The following PCDHGA2 variants were observed in gnomAD, a reference collection of about 807,000 sequenced individuals.
PCDHGA2 encodes the protein protocadherin gamma-A2.
In PCDHGA2, 40 loss-of-function variants were observed where a neutral mutation model predicts 59.2. The observed-to-expected ratio is 0.68, with a 90% CI of 0.52 to 0.88. The LOEUF (loss-of-function observed/expected upper bound fraction) is 0.88, where lower values mean the gene tolerates loss of function less well. Ranked by LOEUF, PCDHGA2 falls within the 40% of genes least tolerant of loss-of-function variation. The pLI is 0.00. For synonymous variants in PCDHGA2, 560 were observed against 526.0 expected, an observed-to-expected ratio of 1.06 and a Z score of -0.89; for missense variants, 1,226 against 1,204.0, an observed-to-expected ratio of 1.02 and a Z score of -0.27.
At chr5:141,401,835 T>C (rs983491795) in intron 1 of PCDHGA2, among the ~76,000 whole-genome samples, 2 of 152,326 alleles carry the variant, frequency 1.3e-5, no homozygotes, top group South Asian at 4.1e-4. Context: ...AGATTTCTTA[T>C]AATACCACTT....
At chr5:141,350,724 A>AAG in intron 1 of PCDHGA2, 2 of 1,613,990 alleles carry the variant, frequency 1.2e-6, no homozygotes, top group South Asian at 2.2e-5. Context: ...GATTCTGCTC[A>AAG]AGATGCAGAT....
chr5:141,500,148 G>T (rs936567158), intron 2 of PCDHGA2, among the ~76,000 whole-genome samples: 6 of 150,990 alleles, frequency 4.0e-5, no homozygotes, highest in African/African-American at 1.5e-4. Flanking sequence ...ACTTTTCTTT[G>T]TGTAATCAAA....
chr5:141,380,503 A>G (rs1353992586), intron 1 of PCDHGA2, among the ~76,000 whole-genome samples: 1 of 152,196 alleles, frequency 6.6e-6, no homozygotes, highest in African/African-American at 2.4e-5. Context: ...ACAATAATAT[A>G]CACTCTTTAA....
intron 1 of PCDHGA2, chr5:141,361,614 G>A (rs919763957): frequency 2.4e-5 from 39 of 1,613,828 alleles, no homozygotes; most frequent in Non-Finnish European, 3.0e-5. Flanking sequence ...CCATCGTAGC[G>A]AGCGACCTGA....
intron 1 of PCDHGA2, among the ~76,000 whole-genome samples, chr5:141,430,066 G>A (rs550834063): frequency 4.1e-4 from 62 of 152,102 alleles, no homozygotes; most frequent in Non-Finnish European, 8.4e-4. Flanking sequence ...TCATTTTTAG[G>A]TTTCCATAAT....
chr5:141,389,432 C>A (rs1007591817), intron 1 of PCDHGA2: 2 of 1,610,650 alleles, frequency 1.2e-6, no homozygotes, highest in Non-Finnish European at 8.5e-7. Flanking sequence ...TCGCGCAGCG[C>A]GCCTTCGACC....
intron 1 of PCDHGA2, chr5:141,392,959 C>T (rs2092637209): frequency 6.2e-7 from 1 of 1,613,902 alleles, no homozygotes; most frequent in African/African-American, 1.3e-5. Flanking sequence ...GGTAATATCT[C>T]CAAGGACCTG....
At chr5:141,442,759 A>G (rs2098341868) in intron 1 of PCDHGA2, among the ~76,000 whole-genome samples, 1 of 152,152 alleles carries the variant, frequency 6.6e-6, no homozygotes, top group Non-Finnish European at 1.5e-5. Flanking sequence ...GATTATATAT[A>G]TTTGTATGTG....
chr5:141,428,381 C>T, intron 1 of PCDHGA2: 1 of 516,406 alleles, frequency 1.9e-6, no homozygotes, highest in Non-Finnish European at 3.6e-6. Context: ...CTGCGATGCT[C>T]TTCCAGCCCC....
intron 2 of PCDHGA2, among the ~76,000 whole-genome samples, chr5:141,503,398 C>A (rs1374324008): frequency 6.6e-6 from 1 of 151,784 alleles, no homozygotes; most frequent in African/African-American, 2.4e-5. Flanking sequence ...AGTTCGAAAC[C>A]AACCTGGCCA....
intron 1 of PCDHGA2, among the ~76,000 whole-genome samples, chr5:141,465,396 C>A (rs2099102528): frequency 6.6e-6 from 1 of 152,054 alleles, no homozygotes; most frequent in Admixed American, 6.6e-5. Context: ...AAAAACAAGT[C>A]AGAAGAAGCC....
chr5:141,361,805 A>G, intron 1 of PCDHGA2: 1 of 1,613,138 alleles, frequency 6.2e-7, no homozygotes, highest in Non-Finnish European at 8.5e-7. Context: ...GACCTCAATG[A>G]CAATGCGCCA....
chr5:141,452,002 T>C (rs965343762), intron 1 of PCDHGA2, among the ~76,000 whole-genome samples: 1 of 152,220 alleles, frequency 6.6e-6, no homozygotes, highest in African/African-American at 2.4e-5. Context: ...GCAAAATCAC[T>C]TGGTCCAGCC....
intron 1 of PCDHGA2, among the ~76,000 whole-genome samples, chr5:141,382,462 T>A (rs1481999551): frequency 6.6e-6 from 1 of 152,240 alleles, no homozygotes; most frequent in Admixed American, 6.5e-5. Context: ...AGCAGTTTTT[T>A]AAAAATTATC....
At chr5:141,375,442 C>A (rs746357528) in intron 1 of PCDHGA2, 1 of 1,614,034 alleles carries the variant, frequency 6.2e-7, no homozygotes, top group Non-Finnish European at 8.5e-7. Flanking sequence ...CCACCTTCCC[C>A]CATTCATCCT....
chr5:141,428,304 G>C, intron 1 of PCDHGA2: 1 of 695,706 alleles, frequency 1.4e-6, no homozygotes, highest in South Asian at 1.6e-5. Flanking sequence ...AGATTTACCT[G>C]GTCGTGGCCT....
chr5:141,402,209 T>A (rs2094239307), intron 1 of PCDHGA2, among the ~76,000 whole-genome samples: 1 of 152,084 alleles, frequency 6.6e-6, no homozygotes, highest in Non-Finnish European at 1.5e-5. Context: ...AATACAAAAA[T>A]TTAAAATAAA....
chr5:141,497,495 T>C (rs193075970), intron 2 of PCDHGA2, among the ~76,000 whole-genome samples: 28 of 151,186 alleles, frequency 1.9e-4, no homozygotes, highest in Admixed American at 1.7e-3. Context: ...TCTCTCTCTC[T>C]CCTCTCTCTG....
intron 1 of PCDHGA2, chr5:141,367,592 A>T (rs1303624910): frequency 1.3e-5 from 2 of 152,018 alleles, no homozygotes; most frequent in African/African-American, 2.4e-5. Flanking sequence ...AGTAGATAAA[A>T]TTTATATTAA....
Sources: gnomAD v4.1 joint callset for allele counts (sites outside exome capture counted in the v4.1 genomes callset) on GRCh38, gnomAD v4.1.1 for gene constraint, MANE v1.5 for transcripts, NCBI Gene and HGNC (gene_info 2026-07-23, HGNC 2026-07-21) for gene names.